The following KAT6A variants were observed in gnomAD, a reference collection of about 807,000 sequenced individuals.
KAT6A encodes the protein lysine acetyltransferase 6A.
KAT6A carries 9 observed loss-of-function variants against 198.4 expected under a neutral mutation model. That is an observed-to-expected ratio of 0.05 (90% CI 0.03 to 0.08). KAT6A has a LOEUF of 0.08. KAT6A is among the 10% of genes least tolerant of loss of function. The probability of loss-of-function intolerance (pLI) is 1.00; values close to 1 mark genes in which losing one functional copy is unlikely to be tolerated. For synonymous variants in KAT6A, 890 were observed against 883.0 expected (o/e 1.01, Z -0.14); for missense variants, 2,077 against 2,509.9 (o/e 0.83, Z 3.69).
Position 41,964,809 on chromosome 8 carries a change from G to A in KAT6A, c.1483-9398C>T, listed in dbSNP as rs535820058. 9.2e-5 allele frequency among the ~76,000 whole-genome samples: 14 copies of A among 152,144 alleles called. No homozygotes were observed. In the East Asian group the frequency reaches 1.7e-3, roughly 19 times the overall value. ...TAACTAAAAACAGAACAATTAAAAC[G>A]ATGTACTGTAATAACAGTTACGTGA... On this transcript the variant is annotated intron_variant, in intron 8 of 16. Transcript: ENST00000265713.
At position 41,937,907 on chromosome 8, in the gene KAT6A, T is replaced by C. The variant is rs535756666; in HGVS notation, c.3040-339A>G. Among the ~76,000 whole-genome samples the C allele has an allele frequency of 9.2e-5, 14 of 152,304 alleles. 1 individual carries two copies. In the South Asian group the frequency reaches 2.1e-3, roughly 23 times the overall value. ...TGACCCAGAGGCTAATCCCTTAACT[T>C]TTCCAACTTAAGAGCAAAAGAGAAA... On this transcript the variant is annotated intron_variant, in intron 15 of 16. Coordinates refer to ENST00000265713, the MANE Select transcript of KAT6A (RefSeq NM_006766.5).
At chr8:42,000,754 T>C (rs933549726) in intron 2 of KAT6A, among the ~76,000 whole-genome samples, 4 of 152,146 alleles carry the variant, frequency 2.6e-5, no homozygotes, top group Non-Finnish European at 4.4e-5. Flanking sequence ...ACATATCTGA[T>C]AGAATGCAAG....
rs773633498 is a variant in KAT6A at position 41,977,153 on chromosome 8, G to A, written c.1218C>T (p.Thr406=). 8 of 1,613,976 alleles carry A rather than the reference G, an allele frequency of 5.0e-6. No individual in the cohort carries two copies. The highest frequency in any genetic ancestry group is 6.8e-6 in the Non-Finnish European group (8 of 1,179,998). The change falls in exon 7 of 17, where the codon ACC becomes ACT. Residue 406 remains threonine, a synonymous_variant. Coordinates refer to ENST00000265713, the MANE Select transcript of KAT6A (RefSeq NM_006766.5). ...SNVSLKFNKK[T]KGLIDGLTKF... ...TGGTAAGGCCATCAATGAGCCCTTT[G>A]GTTTTCTTGTTGAACTTCAAGGAGA... is the stretch of plus-strand genomic sequence containing the variant.
intron 2 of KAT6A, among the ~76,000 whole-genome samples, chr8:42,035,158 A>G (rs1827308338): frequency 1.3e-5 from 2 of 152,258 alleles, no homozygotes; most frequent in Admixed American, 6.5e-5. Context: ...TAAAAAGTGT[A>G]AGAGAGAAGA....
chr8:41,999,891 T>TA, intron 2 of KAT6A, among the ~76,000 whole-genome samples: 2 of 152,354 alleles, frequency 1.3e-5, no homozygotes, highest in South Asian at 4.1e-4. Context: ...GATTAACAGA[T>TA]AAAGTTATGG....
intron 3 of KAT6A, among the ~76,000 whole-genome samples, chr8:41,984,980 CAAA>C (rs1319003756): frequency 6.4e-5 from 6 of 93,436 alleles, no homozygotes; most frequent in Non-Finnish European, 6.9e-5. Context: ...GAGACTGTCT[CAAA>C]AAAAAAAAAA....
Position 41,966,014 on chromosome 8 carries a change from G to A in KAT6A, c.1482+8690C>T, listed in dbSNP as rs1823466874. Among the ~76,000 whole-genome samples the A allele has an allele frequency of 2.6e-5, 4 of 152,288 alleles. No individual in the cohort carries two copies. The South Asian group carries it at 8.3e-4, about 32-fold the overall frequency. ...TTATTAAAATAGTAGTTAAGAGCCT[G>A]GGAACTAGAAAAGGCTAGCACAGTT... On this transcript the variant is annotated intron_variant, in intron 8 of 16. Coordinates refer to ENST00000265713, the MANE Select transcript of KAT6A (RefSeq NM_006766.5).
Position 41,943,992 on chromosome 8 carries a change from A to C in KAT6A, c.1997-13T>G, listed in dbSNP as rs1822263857. On this transcript the variant is annotated splice_polypyrimidine_tract_variant and intron_variant, in intron 12 of 16. Transcript: ENST00000265713. Reference sequence around the variant, plus strand: ...GATAACAAATAACCTAAAGAATCACAAATAACTCAAATCAGAACTAGGTCA... The same window carrying C: ...GATAACAAATAACCTAAAGAATCACCAATAACTCAAATCAGAACTAGGTCA... 6.3e-7 allele frequency: 1 copy of C among 1,587,086 alleles called. No individual in the cohort carries two copies. The highest frequency in any genetic ancestry group is 1.7e-4 in the Middle Eastern group (1 of 6,014).
Position 41,974,773 on chromosome 8 carries a change from A to G in KAT6A, c.1413T>C (p.Phe471=), listed in dbSNP as rs141739124. The part of the protein sequence containing the change: ...DGKQENEERL[F]GSQEIMTEKD... ...TCTCAGTCATGATTTCCTGGCTCCC[A>G]AAAAGTCGCTCCTCATTTTCTTGTT... is the stretch of plus-strand genomic sequence containing the variant. The change falls in exon 8 of 17, where the codon TTT becomes TTC. Residue 471 remains phenylalanine (F), a synonymous_variant. Transcript: ENST00000265713. The G allele has an allele frequency of 5.6e-6, 9 of 1,609,114 alleles. No individual in the cohort carries two copies. Among genetic ancestry groups the G allele is most frequent in the Non-Finnish European group, 6.8e-6 (8 of 1,177,368 alleles).
chr8:41,930,027 A>C lies in KAT6A; in HGVS notation c.*2178T>G, dbSNP rs1208485020. Reference sequence around the variant, plus strand: ...ACAGGTACCAATATTACTGTGTTGGATAATTTCTTTTATAATATAGAAAAG... The same window carrying C: ...ACAGGTACCAATATTACTGTGTTGGCTAATTTCTTTTATAATATAGAAAAG... On this transcript the variant is annotated 3_prime_UTR_variant, in exon 17 of 17. Coordinates refer to ENST00000265713, the MANE Select transcript of KAT6A (RefSeq NM_006766.5). The C allele has an allele frequency of 4.4e-6, 1 of 225,294 alleles. No individual in the cohort carries two copies. The highest frequency in any genetic ancestry group is 8.8e-6 in the Non-Finnish European group (1 of 113,044). The allele number at this position is 225,294 out of a possible 1,614,324, so 14.0% of individuals were successfully genotyped here.
chr8:41,964,861 T>C (rs1008471906), intron 8 of KAT6A, among the ~76,000 whole-genome samples: 18 of 152,214 alleles, frequency 1.2e-4, no homozygotes, highest in Admixed American at 6.5e-4. Context: ...AATATCCTAT[T>C]GCATGGTATG....
In KAT6A at chr8:41,963,652, T is replaced by C. The variant is rs532216957; in HGVS notation, c.1483-8241A>G. On this transcript the variant is annotated intron_variant, in intron 8 of 16. Transcript: ENST00000265713. ...CCTTGCTCAGGTGTTCCTCAATCCA[T>C]TGCTGACAATATCACCAGACTTGAG... is the stretch of plus-strand genomic sequence containing the variant. Among the ~76,000 whole-genome samples, 299 of 152,378 alleles carry C rather than the reference T, an allele frequency of 2.0e-3. 2 individuals carry two copies. The highest frequency in any genetic ancestry group is 3.2e-3 in the Non-Finnish European group (219 of 68,028).
At chr8:41,953,464 C>T (rs1385584504) in intron 9 of KAT6A, among the ~76,000 whole-genome samples, 2 of 152,078 alleles carry the variant, frequency 1.3e-5, no homozygotes, top group African/African-American at 2.4e-5. Flanking sequence ...AAATTAATTC[C>T]TTGGCATATT....
At chr8:42,024,941 T>C (rs1826726893) in intron 2 of KAT6A, among the ~76,000 whole-genome samples, 1 of 152,202 alleles carries the variant, frequency 6.6e-6, no homozygotes, top group South Asian at 2.1e-4. Flanking sequence ...ATGCTGATTC[T>C]CCTTCCTTTA....
At chr8:41,941,714 A>C (rs1394694212) in intron 14 of KAT6A, among the ~76,000 whole-genome samples, 2 of 152,246 alleles carry the variant, frequency 1.3e-5, no homozygotes, top group Non-Finnish European at 2.9e-5. Flanking sequence ...AAAAAATTTA[A>C]GTAATCTGCC....
At position 41,937,330 on chromosome 8, in the gene KAT6A, A is replaced by T; in HGVS notation, c.3278T>A (p.Val1093Glu). The change falls in exon 16 of 17, where the codon GTA becomes GAA. Residue 1093 changes from valine (V) to glutamate (E), a missense_variant. Physicochemically the swap from Val to Glu is moderately radical, Grantham distance 121 (BLOSUM62 -2). Transcript: ENST00000265713. ...EYFRRLSSQD[V>E]LRCQSSSKRK... is the part of the protein sequence containing the mutation. ...CTTAGAAGAGGACTGACACCTGAGT[A>T]CATCCTGCGAAGACAAACGACGGAA... 1 of 1,614,104 alleles carries T rather than the reference A, an allele frequency of 6.2e-7. No individual in the cohort carries two copies. Among genetic ancestry groups the T allele is most frequent in the Non-Finnish European group, 8.5e-7 (1 of 1,179,930 alleles).
chr8:41,990,065 C>T (rs559235343), intron 2 of KAT6A, among the ~76,000 whole-genome samples: 15 of 151,458 alleles, frequency 9.9e-5, no homozygotes, highest in African/African-American at 3.6e-4. Context: ...AAAAAAAACC[C>T]AACAACTCTA....
In KAT6A at chr8:41,955,396, C is replaced by G; in HGVS notation, c.1498G>C (p.Gly500Arg). Residue 500 changes from glycine to arginine, a missense_variant, in exon 9 of 17, where the codon GGT becomes CGT. Physicochemically the swap from Gly to Arg is moderately radical, Grantham distance 125 (BLOSUM62 -2). Around this residue, in one of 13 missense-constraint regions of KAT6A, gnomAD observed 206 missense variants for 214.9 expected, o/e 0.96. Coordinates refer to ENST00000265713, the MANE Select transcript of KAT6A (RefSeq NM_006766.5). ...CAGCGGACTTGTGGATCAGGGGGAC[C>G]AGTCACTCCAACTTTCTGTGCAGTC... Reference protein sequence around the residue: ...EQALQKVGVTGPPDPQVRCPS... With the variant: ...EQALQKVGVTRPPDPQVRCPS... 2 of 1,610,252 alleles carry G rather than the reference C, an allele frequency of 1.2e-6. No homozygotes were observed. Among genetic ancestry groups the G allele is most frequent in the Non-Finnish European group, 1.7e-6 (2 of 1,177,612 alleles).
intron 15 of KAT6A, among the ~76,000 whole-genome samples, 187 bp downstream of exon 15, chr8:41,940,655 A>C (rs1260417934): frequency 6.6e-6 from 1 of 152,156 alleles, no homozygotes; most frequent in Non-Finnish European, 1.5e-5. Context: ...AAAGAAGTCA[A>C]ACACACACAC....
Sources: allele counts gnomAD v4.1 joint callset (sites outside exome capture counted in the v4.1 genomes callset), GRCh38; gene constraint gnomAD v4.1.1; regional missense constraint gnomAD v4.1.1; transcripts MANE v1.5; gene names NCBI Gene and HGNC (gene_info 2026-07-23, HGNC 2026-07-21).